NT5DC1: variants seen among roughly 807,000 people sequenced by gnomAD.
NT5DC1 encodes the protein 5'-nucleotidase domain-containing protein 1.
In NT5DC1, 42 loss-of-function variants were observed where a neutral mutation model predicts 59.4. The ratio of observed to expected loss-of-function variants is 0.71; its 90% confidence interval spans 0.55 to 0.92. The LOEUF (loss-of-function observed/expected upper bound fraction) is 0.92. NT5DC1 is among the 40% of genes least tolerant of loss of function. The probability of loss-of-function intolerance (pLI) is 0.00; values close to 1 mark genes in which losing one functional copy is unlikely to be tolerated. For missense variants in NT5DC1, 501 were observed against 537.1 expected, an observed-to-expected ratio of 0.93 and a Z score of 0.66; for synonymous variants, 172 against 188.1, an observed-to-expected ratio of 0.91 and a Z score of 0.70.
intron 2 of NT5DC1, among the ~76,000 whole-genome samples, chr6:116,107,238 A>G (rs1778783820): frequency 2.7e-5 from 4 of 147,746 alleles, no homozygotes; most frequent in Admixed American, 2.0e-4. Flanking sequence ...TTGATCTAGT[A>G]TGCATTCTTT....
intron 6 of NT5DC1, among the ~76,000 whole-genome samples, chr6:116,206,415 A>C (rs778827964): frequency 6.6e-6 from 1 of 152,022 alleles, no homozygotes; most frequent in South Asian, 2.1e-4. Flanking sequence ...TCAATGACTA[A>C]AGCACTTACC....
intron 6 of NT5DC1, among the ~76,000 whole-genome samples, chr6:116,176,209 G>C (rs1435905448): frequency 6.6e-6 from 1 of 152,184 alleles, no homozygotes; most frequent in East Asian, 1.9e-4. Context: ...GCTTAGGGAT[G>C]CTGTGCTGGC....
intron 6 of NT5DC1, among the ~76,000 whole-genome samples, chr6:116,130,479 T>C (rs777483536): frequency 6.6e-5 from 10 of 152,020 alleles, no homozygotes; most frequent in Admixed American, 6.6e-4. Context: ...CCTTCTAATG[T>C]TTTGTACCTT....
intron 6 of NT5DC1, among the ~76,000 whole-genome samples, chr6:116,153,362 GTGAATTTAGCTCGATT>G (rs1247542465): frequency 6.6e-6 from 1 of 152,078 alleles, no homozygotes; most frequent in Non-Finnish European, 1.5e-5. Flanking sequence ...CATCTTGAGG[GTGAATTTAGCTCGATT>G]TTAGATCTAA....
intron 6 of NT5DC1, among the ~76,000 whole-genome samples, chr6:116,183,419 G>A (rs749343015): frequency 6.6e-6 from 1 of 152,080 alleles, no homozygotes; most frequent in Non-Finnish European, 1.5e-5. Flanking sequence ...AATGGTGGTA[G>A]TATTTTGATG....
intron 6 of NT5DC1, among the ~76,000 whole-genome samples, chr6:116,182,250 T>C (rs1780899253): frequency 6.6e-6 from 1 of 151,898 alleles, no homozygotes; most frequent in African/African-American, 2.4e-5. Context: ...TGTGTGTGTG[T>C]GTGTATCACA....
chr6:116,104,703 T>C (rs939791954), intron 1 of NT5DC1, among the ~76,000 whole-genome samples: 1 of 152,222 alleles, frequency 6.6e-6, no homozygotes, highest in Non-Finnish European at 1.5e-5. Context: ...GATTTGCTGG[T>C]GTGCCAGGCT....
intron 6 of NT5DC1, among the ~76,000 whole-genome samples, chr6:116,194,669 G>C (rs1781188313): frequency 6.6e-6 from 1 of 151,992 alleles, no homozygotes; most frequent in Non-Finnish European, 1.5e-5. Flanking sequence ...GTCAGTAGAT[G>C]TTGTTTATGG....
At chr6:116,160,308 T>C (rs1056622306) in intron 6 of NT5DC1, among the ~76,000 whole-genome samples, 1 of 152,196 alleles carries the variant, frequency 6.6e-6, no homozygotes, top group East Asian at 1.9e-4. Context: ...TAATAGCTAT[T>C]CTGACTGGTA....
intron 6 of NT5DC1, among the ~76,000 whole-genome samples, chr6:116,210,017 C>T (rs974721135): frequency 2.0e-5 from 3 of 151,818 alleles, no homozygotes; most frequent in African/African-American, 4.8e-5. Context: ...TGTTACTAAC[C>T]GTAATTTTGA....
intron 6 of NT5DC1, among the ~76,000 whole-genome samples, chr6:116,190,843 G>A (rs1168844656): frequency 6.6e-6 from 1 of 152,022 alleles, no homozygotes; most frequent in Non-Finnish European, 1.5e-5. Flanking sequence ...CCAGAGACAG[G>A]TTCTCAGTTT....
chr6:116,117,663 A>G (rs1260349279), intron 5 of NT5DC1, among the ~76,000 whole-genome samples, 198 bp from the exon 6 acceptor site: 1 of 152,220 alleles, frequency 6.6e-6, no homozygotes, highest in Non-Finnish European at 1.5e-5. Context: ...CTGAAAGTGA[A>G]AAACAATTGT....
intron 5 of NT5DC1, among the ~76,000 whole-genome samples, chr6:116,116,891 T>C (rs1778975050): frequency 1.3e-5 from 2 of 152,242 alleles, no homozygotes; most frequent in African/African-American, 4.8e-5. Flanking sequence ...TCTGTCTTTG[T>C]TTAGATAGGT....
chr6:116,120,950 C>A, intron 6 of NT5DC1: 2 of 1,613,924 alleles, frequency 1.2e-6, no homozygotes, highest in East Asian at 4.5e-5. Flanking sequence ...TCCTGGGTAC[C>A]CTGGTTTTCC....
chr6:116,194,659 G>A (rs1306248232), intron 6 of NT5DC1, among the ~76,000 whole-genome samples: 1 of 152,016 alleles, frequency 6.6e-6, no homozygotes, highest in Non-Finnish European at 1.5e-5. Flanking sequence ...TTAATGGGAA[G>A]TCAGTAGATG....
In NT5DC1 at chr6:116,248,861, T is replaced by C. The variant is rs556029126; in HGVS notation, c.*4837T>C. The C allele has an allele frequency of 6.6e-6, 1 of 152,246 alleles. No homozygotes were observed. The highest frequency in any genetic ancestry group is 1.5e-5 in the Non-Finnish European group (1 of 68,050). 9.4% of individuals were successfully genotyped at this position (152,246 alleles called of 1,614,324 possible). On this transcript the variant is annotated 3_prime_UTR_variant, in exon 12 of 12. Coordinates refer to ENST00000319550, the MANE Select transcript of NT5DC1 (RefSeq NM_152729.3). ...TGGTTGGTAAGTGAAACCTGTAAGA[T>C]GCCTAATTGAGTAATTTAATGACTA... is the stretch of plus-strand genomic sequence containing the variant.
At chr6:116,208,539 G>C (rs1781506376) in intron 6 of NT5DC1, among the ~76,000 whole-genome samples, 1 of 152,014 alleles carries the variant, frequency 6.6e-6, no homozygotes, top group African/African-American at 2.4e-5. Flanking sequence ...GCTGTACTTA[G>C]GCAATAGTGC....
At chr6:116,210,576 G>T (rs1025627420) in intron 6 of NT5DC1, among the ~76,000 whole-genome samples, 2 of 151,868 alleles carry the variant, frequency 1.3e-5, no homozygotes, top group African/African-American at 4.8e-5. Context: ...AATCATATAG[G>T]ACCTGTTCCT....
intron 6 of NT5DC1, among the ~76,000 whole-genome samples, chr6:116,122,420 G>A (rs1427121199): frequency 6.6e-6 from 1 of 152,322 alleles, no homozygotes; most frequent in South Asian, 2.1e-4. Flanking sequence ...CATCTGCCAT[G>A]CCTCTGCTGA....
Sources: allele counts gnomAD v4.1 joint callset (sites outside exome capture counted in the v4.1 genomes callset), GRCh38; gene constraint gnomAD v4.1.1; transcripts MANE v1.5; gene names NCBI Gene and HGNC (gene_info 2026-07-23, HGNC 2026-07-21).